The following DOC2A variants were observed in gnomAD, a reference collection of about 807,000 sequenced individuals.
DOC2A encodes the protein double C2 domain alpha.
A neutral mutation model predicts 40.6 loss-of-function variants in DOC2A; 28 were observed. That is an observed-to-expected ratio of 0.69 (90% CI 0.51 to 0.95). The LOEUF (loss-of-function observed/expected upper bound fraction) is 0.95, where lower values mean the gene tolerates loss of function less well. DOC2A is among the 40% of genes least tolerant of loss of function. The probability of loss-of-function intolerance (pLI) is 0.00; values close to 1 mark genes in which losing one functional copy is unlikely to be tolerated. For synonymous variants in DOC2A, 241 were observed against 236.9 expected, an observed-to-expected ratio of 1.02 and a Z score of -0.16; for missense variants, 474 against 552.5, an observed-to-expected ratio of 0.86 and a Z score of 1.42.
At position 30,010,879 on chromosome 16, in the gene DOC2A, G is replaced by T; in HGVS notation, c.-14+24C>A. 1.0e-6 allele frequency: 1 copy of T among 1,004,808 alleles called. No individual in the cohort carries two copies. Among genetic ancestry groups the T allele is most frequent in the South Asian group, 3.7e-5 (1 of 26,676 alleles). 62.2% of individuals were successfully genotyped at this position (1,004,808 alleles called of 1,614,324 possible). A position where few individuals can be genotyped will look rare whatever the true frequency, so the allele number is the denominator to read the frequency against. ...GCTTCCCCGCACCCTCACGCCCCCG[G>T]CCTGCCCAGCCCCCTGCACCTGCCT... On this transcript the variant is annotated intron_variant, in intron 1 of 10. Transcript: ENST00000350119. The surrounding 1 kb of genome is among the most constrained non-coding windows in gnomAD (Gnocchi z 4.2).
chr16:30,021,712 C>G (rs1225135013), upstream of DOC2A: 1 of 152,208 alleles, frequency 6.6e-6, no homozygotes, highest in African/African-American at 2.4e-5. Flanking sequence ...TCAGGCGCGG[C>G]CGCTGCTGCC....
intron 1 of DOC2A, chr16:30,018,689 G>C (rs554359167): frequency 6.6e-6 from 1 of 152,136 alleles, no homozygotes; most frequent in Admixed American, 6.6e-5. Flanking sequence ...CAGACATCTC[G>C]GAGTCTGGAG....
intron 1 of DOC2A, among the ~76,000 whole-genome samples, chr16:30,017,361 G>A (rs2070864886): frequency 2.0e-5 from 3 of 151,916 alleles, no homozygotes; most frequent in Admixed American, 1.3e-4. Flanking sequence ...TTGCAGCACT[G>A]TTCACAATAG....
At chr16:30,007,399 C>T (rs12921753) in intron 5 of DOC2A, 100 bp from the exon 6 acceptor site, 559,698 of 1,535,372 alleles carry the variant, frequency 0.36, 108,974 homozygotes, top group South Asian at 0.43. Context: ...CTAAACACTA[C>T]GTCTCATCTG....
At chr16:30,013,039 A>G (rs2070810231), upstream of DOC2A, among the ~76,000 whole-genome samples, 4 of 151,420 alleles carry the variant, frequency 2.6e-5, no homozygotes, top group Admixed American at 2.6e-4. Flanking sequence ...GATATCACTT[A>G]TTACCCATAA....
chr16:30,013,981 C>T (rs1268587239), upstream of DOC2A, among the ~76,000 whole-genome samples: 2 of 152,072 alleles, frequency 1.3e-5, no homozygotes, highest in Admixed American at 1.3e-4. Flanking sequence ...TCCCAAAGTG[C>T]TGGGATTACA....
In DOC2A at chr16:30,009,411, A is replaced by C; in HGVS notation, c.342+67T>G. On this transcript the variant is annotated intron_variant, in intron 3 of 10. Coordinates refer to ENST00000350119, the MANE Select transcript of DOC2A (RefSeq NM_003586.3). The surrounding 1 kb of genome is among the most constrained non-coding windows in gnomAD (Gnocchi z 4.1). The stretch of plus-strand genomic sequence containing the variant: ...AAGGAGCAGGCCTGGGAAGGGAAGG[A>C]GGAATGGGCCCCCTCTGGGGGCTGC... The C allele has an allele frequency of 1.3e-6, 2 of 1,516,872 alleles. No homozygotes were observed. Among genetic ancestry groups the C allele is most frequent in the South Asian group, 2.4e-5 (2 of 83,354 alleles). 94.0% of individuals were successfully genotyped at this position (1,516,872 alleles called of 1,614,324 possible). A position where few individuals can be genotyped will look rare whatever the true frequency, so the allele number is the denominator to read the frequency against.
chr16:30,010,055 C>T lies in DOC2A; in HGVS notation c.168G>A (p.Leu56=), dbSNP rs1275505367. Reference sequence around the variant, plus strand: ...CAGGGGGGGCCAGAGCCAGGGGGACCAGATGGGCGGGGGCCTCCCCGCCGC... The same window carrying T: ...CAGGGGGGGCCAGAGCCAGGGGGACTAGATGGGCGGGGGCCTCCCCGCCGC... ...GGGGGEAPAH[L]VPLALAPPAA... is the part of the protein sequence containing the mutation. Residue 56 remains leucine (L), a synonymous_variant, in exon 2 of 11, where the codon CTG becomes CTA. Coordinates refer to ENST00000350119, the MANE Select transcript of DOC2A (RefSeq NM_003586.3). The surrounding 1 kb of genome is among the most constrained non-coding windows in gnomAD (Gnocchi z 4.2). 2 of 1,611,604 alleles carry T rather than the reference C, an allele frequency of 1.2e-6. No homozygotes were observed. The highest frequency in any genetic ancestry group is 2.7e-5 in the African/African-American group (2 of 74,894).
At chr16:30,007,569 G>A (rs2070655111) in intron 5 of DOC2A, 1 of 515,786 alleles carries the variant, frequency 1.9e-6, no homozygotes, top group South Asian at 2.0e-5. Context: ...TCCATTCAGG[G>A]CCTGGGGGCA....
rs1185043010 is a variant in DOC2A at position 30,006,133 on chromosome 16, G to A, written c.*53C>T. On this transcript the variant is annotated 3_prime_UTR_variant, in exon 11 of 11. Transcript: ENST00000350119. This position sits in a 1 kb window ranked among gnomAD's most constrained non-coding sequence, Gnocchi z 6.2. ...TAAACGTGCAACACACTCGTGCGAA[G>A]GTTGGGTACTGGACCCGGCTCGATG... 5 of 1,534,574 alleles carry A rather than the reference G, an allele frequency of 3.3e-6. No homozygotes were observed. The highest frequency in any genetic ancestry group is 4.4e-6 in the Non-Finnish European group (5 of 1,136,396).
chr16:30,011,468 A>G (rs1157071998), upstream of DOC2A: 2 of 945,784 alleles, frequency 2.1e-6, no homozygotes, highest in Non-Finnish European at 2.5e-6. Flanking sequence ...GCGCGCGGCC[A>G]CGGCGCCTCC....
In DOC2A at chr16:30,009,839, C is replaced by T; in HGVS notation, c.262+122G>A. Reference sequence around the variant, plus strand: ...AGCTGTGGTGGCCGTCCCTGCCACCCCCCCACTGCCCTCCTCCCCTACCTA... The same window carrying T: ...AGCTGTGGTGGCCGTCCCTGCCACCTCCCCACTGCCCTCCTCCCCTACCTA... On this transcript the variant is annotated intron_variant, in intron 2 of 10. Transcript: ENST00000350119. This position sits in a 1 kb window ranked among gnomAD's most constrained non-coding sequence, Gnocchi z 4.1. 1 of 1,129,994 alleles carries T rather than the reference C, an allele frequency of 8.8e-7. No homozygotes were observed. The allele number at this position is 1,129,994 out of a possible 1,614,324, so 70.0% of individuals were successfully genotyped here.
Position 30,010,329 on chromosome 16 carries a change from T to C in DOC2A, c.-13-94A>G. 6.5e-7 allele frequency: 1 copy of C among 1,529,254 alleles called. No homozygotes were observed. The highest frequency in any genetic ancestry group is 9.0e-7 in the Non-Finnish European group (1 of 1,117,048). 94.7% of individuals were successfully genotyped at this position (1,529,254 alleles called of 1,614,324 possible). A position where few individuals can be genotyped will look rare whatever the true frequency, so the allele number is the denominator to read the frequency against. ...CCTCCTCGGTCTGTGGGGCCCTCAC[T>C]GGCCTCCCTTCCTAGGTGTCGAGGG... On this transcript the variant is annotated intron_variant, in intron 1 of 10. Coordinates refer to ENST00000350119, the MANE Select transcript of DOC2A (RefSeq NM_003586.3). This position sits in a 1 kb window ranked among gnomAD's most constrained non-coding sequence, Gnocchi z 4.2.
chr16:30,005,651 C>G lies in DOC2A; in HGVS notation c.*535G>C. On this transcript the variant is annotated 3_prime_UTR_variant, in exon 11 of 11. Coordinates refer to ENST00000350119, the MANE Select transcript of DOC2A (RefSeq NM_003586.3). The stretch of plus-strand genomic sequence containing the variant: ...TCAAACCCCGGCCCCCTCCAGGGGA[C>G]AGTTATTTAAACGAGTGGCCGGGAG... 1.7e-6 allele frequency: 1 copy of G among 586,586 alleles called. No individual in the cohort carries two copies. The highest frequency in any genetic ancestry group is 3.0e-6 in the Non-Finnish European group (1 of 337,574). 36.3% of individuals were successfully genotyped at this position (586,586 alleles called of 1,614,324 possible).
At chr16:30,022,246 CAAAAAAAA>C (rs60987861), upstream of DOC2A, among the ~76,000 whole-genome samples, 2 of 34,304 alleles carry the variant, frequency 5.8e-5, no homozygotes, top group Non-Finnish European at 4.7e-5. Flanking sequence ...AACTCCATCT[CAAAAAAAA>C]AAAAAAAAAA....
chr16:30,012,992 AAAACAAACAAAC>A (rs555014803), upstream of DOC2A, among the ~76,000 whole-genome samples: 2 of 151,600 alleles, frequency 1.3e-5, no homozygotes, highest in African/African-American at 4.8e-5. Flanking sequence ...ACTCAGTCTC[AAAACAAACAAAC>A]AAACAAACAA....
rs3935873 is a variant in DOC2A, at chr16:30,007,179, C to T, written c.648G>A (p.Gln216=). The T allele has an allele frequency of 0.43, 695,654 of 1,613,734 alleles. 154,292 individuals carry two copies. The highest frequency in any genetic ancestry group is 0.5 in the South Asian group (45,937 of 91,080). Residue 216 remains glutamine (Q), a synonymous_variant, in exon 6 of 11, where the codon CAG becomes CAA. Transcript: ENST00000350119. ...KKHFNICLER[Q]VPLASPSSMS... Reference sequence around the variant, plus strand: ...CTGCAGCCCCCACACAGACCGGGACCTGGCGCTCGAGGCAGATGTTAAAAT... The same window carrying T: ...CTGCAGCCCCCACACAGACCGGGACTTGGCGCTCGAGGCAGATGTTAAAAT...
rs529504458 is a variant in DOC2A, at chr16:30,006,948, A to G, written c.715T>C (p.Leu239=). Residue 239 remains leucine, a splice_region_variant and synonymous_variant, in exon 8 of 11, where the codon TTG becomes CTG. Transcript: ENST00000350119. This position sits in a 1 kb window ranked among gnomAD's most constrained non-coding sequence, Gnocchi z 6.2. The stretch of plus-strand genomic sequence containing the variant: ...CCCTGCCCCTGCTCCGCCTGCTCCA[A>G]CTGCGGGGCACAGACTCAGGGTCAG... ...LRGISCYLKE[L]EQAEQGQGLL... 1 of 1,613,548 alleles carries G rather than the reference A, an allele frequency of 6.2e-7. No individual in the cohort carries two copies. Among genetic ancestry groups the G allele is most frequent in the Non-Finnish European group, 8.5e-7 (1 of 1,179,744 alleles).
Position 30,010,135 on chromosome 16 carries a change from G to T in DOC2A, c.88C>A (p.Arg30Ser). ...CGGGGGAAGTAGTCAGAGATCTGGC[G>T]GATGGGCCGGATGGGCCCGGGGCAC... Reference protein sequence around the residue: ...NVCPGPIRPIRQISDYFPRGP... With the variant: ...NVCPGPIRPISQISDYFPRGP... The change falls in exon 2 of 11, where the codon CGC becomes AGC. Residue 30 changes from arginine (R) to serine (S), a missense_variant. Arg to Ser is a moderately radical substitution (Grantham distance 110). Coordinates refer to ENST00000350119, the MANE Select transcript of DOC2A (RefSeq NM_003586.3). The surrounding 1 kb of genome is among the most constrained non-coding windows in gnomAD (Gnocchi z 4.2). The T allele has an allele frequency of 6.2e-7, 1 of 1,613,858 alleles. No homozygotes were observed. The highest frequency in any genetic ancestry group is 2.2e-5 in the East Asian group (1 of 44,870).
Sources: gnomAD v4.1 joint callset for allele counts (sites outside exome capture counted in the v4.1 genomes callset) on GRCh38, gnomAD v4.1.1 for gene constraint, Gnocchi (gnomAD v3.1) non-coding constraint, MANE v1.5 for transcripts, NCBI Gene and HGNC (gene_info 2026-07-23, HGNC 2026-07-21) for gene names.